RAB2A: variants seen among roughly 807,000 people sequenced by gnomAD.
RAB2A encodes ras-related protein Rab-2A.
Under a neutral mutation model 32.5 loss-of-function variants are expected in RAB2A, and 7 were observed. The observed-to-expected ratio is 0.22, with a 90% CI of 0.12 to 0.40. RAB2A has a LOEUF of 0.40. Ranked by LOEUF, RAB2A falls within the 10% of genes least tolerant of loss-of-function variation. The pLI, the probability that RAB2A is intolerant of heterozygous loss-of-function variation, is 1.00. For missense variants in RAB2A, 108 were observed against 260.7 expected (o/e 0.41, Z 4.03); for synonymous variants, 79 against 85.2 (o/e 0.93, Z 0.40).
chr8:60,558,344 T>A (rs911099211), intron 1 of RAB2A: 3 of 458,278 alleles, frequency 6.5e-6, no homozygotes, highest in African/African-American at 2.0e-5. Flanking sequence ...TTTAATAGAG[T>A]GAAGGAATGC....
Position 60,623,180 on chromosome 8 carries a change from A to AT in RAB2A, c.*2417dup, listed in dbSNP as rs1410237901. The AT allele has an allele frequency of 6.6e-6, 1 of 152,232 alleles. No homozygotes were observed. Among genetic ancestry groups the AT allele is most frequent in the Non-Finnish European group, 1.5e-5 (1 of 68,036 alleles). 9.4% of individuals were successfully genotyped at this position (152,232 alleles called of 1,614,324 possible). ...TTTAAGACAACTGAATGAAAAGCCA[A>AT]TTTTTTGAAAGAATGTGGCATATAA... On this transcript the variant is annotated 3_prime_UTR_variant, in exon 8 of 8. Transcript: ENST00000262646.
intron 1 of RAB2A, among the ~76,000 whole-genome samples, chr8:60,521,890 G>A (rs998132624): frequency 6.6e-6 from 1 of 152,136 alleles, no homozygotes; most frequent in South Asian, 2.1e-4. Context: ...CTTAAGTGCT[G>A]GGATTACAGG....
chr8:60,518,234 A>G (rs921539071), intron 1 of RAB2A, among the ~76,000 whole-genome samples: 1 of 152,192 alleles, frequency 6.6e-6, no homozygotes, highest in Non-Finnish European at 1.5e-5. Context: ...AGATGTTGCA[A>G]CTATTAATAT....
At chr8:60,558,331 A>T in intron 1 of RAB2A, 1 of 447,514 alleles carries the variant, frequency 2.2e-6, no homozygotes, top group African/African-American at 2.0e-5. Context: ...TAACGGGGTC[A>T]ATTTTAATAG....
At chr8:60,603,170 A>G (rs1804165458) in intron 6 of RAB2A, among the ~76,000 whole-genome samples, 1 of 152,200 alleles carries the variant, frequency 6.6e-6, no homozygotes, top group Admixed American at 6.5e-5. Flanking sequence ...AGAAATTTTA[A>G]TGCACAGGGA....
intron 6 of RAB2A, among the ~76,000 whole-genome samples, chr8:60,600,539 T>A (rs12681129): frequency 0.55 from 82,992 of 152,068 alleles, 26,084 homozygotes; most frequent in African/African-American, 0.87. Flanking sequence ...ACATCCTAGC[T>A]GTTGCACCCC....
intron 1 of RAB2A, among the ~76,000 whole-genome samples, chr8:60,521,457 C>G (rs1807301951): frequency 6.6e-6 from 1 of 152,114 alleles, no homozygotes; most frequent in African/African-American, 2.4e-5. Context: ...AAGAAAAATT[C>G]TCATGATATG....
intron 6 of RAB2A, among the ~76,000 whole-genome samples, chr8:60,611,653 A>T (rs550475214): frequency 1.3e-4 from 20 of 152,362 alleles, no homozygotes; most frequent in Admixed American, 1.1e-3. Flanking sequence ...AAGGAATTAA[A>T]CATTTTTGTG....
chr8:60,617,363 T>C (rs899173452), intron 6 of RAB2A, among the ~76,000 whole-genome samples: 7 of 152,196 alleles, frequency 4.6e-5, no homozygotes, highest in African/African-American at 1.7e-4. Context: ...TTTCTTAAAC[T>C]ATATACTAAA....
At chr8:60,608,245 A>G (rs1330351590) in intron 6 of RAB2A, among the ~76,000 whole-genome samples, 2 of 152,228 alleles carry the variant, frequency 1.3e-5, no homozygotes, top group Non-Finnish European at 2.9e-5. Context: ...TAAAGGCTAG[A>G]AGAAAATACA....
intron 7 of RAB2A, among the ~76,000 whole-genome samples, chr8:60,619,313 T>TAA (rs1398597935): frequency 3.9e-5 from 6 of 152,190 alleles, no homozygotes; most frequent in African/African-American, 1.4e-4. Flanking sequence ...TCTGTATTTA[T>TAA]TTCAAAATGT....
intron 2 of RAB2A, among the ~76,000 whole-genome samples, chr8:60,568,499 T>A (rs971558446): frequency 6.6e-6 from 1 of 152,124 alleles, no homozygotes; most frequent in Non-Finnish European, 1.5e-5. Flanking sequence ...ATCATCCTTT[T>A]AATCTTAAAA....
intron 6 of RAB2A, among the ~76,000 whole-genome samples, chr8:60,609,787 A>G (rs1460566607): frequency 6.6e-6 from 1 of 151,974 alleles, no homozygotes; most frequent in Non-Finnish European, 1.5e-5. Context: ...CCCGCATGGC[A>G]AAACCTCATC....
chr8:60,523,999 G>A (rs894103850), intron 1 of RAB2A, among the ~76,000 whole-genome samples: 3 of 152,224 alleles, frequency 2.0e-5, no homozygotes, highest in African/African-American at 7.2e-5. Context: ...TTTTTGACTA[G>A]CTCTTTTCTG....
chr8:60,585,218 A>T (rs1803828164), intron 5 of RAB2A, among the ~76,000 whole-genome samples: 1 of 152,186 alleles, frequency 6.6e-6, no homozygotes, highest in African/African-American at 2.4e-5. Flanking sequence ...AGTTTTCACT[A>T]ATTTTTGTAG....
chr8:60,518,223 T>C (rs1368620938), intron 1 of RAB2A, among the ~76,000 whole-genome samples: 2 of 152,224 alleles, frequency 1.3e-5, no homozygotes, highest in Non-Finnish European at 1.5e-5. Context: ...AAAGATTGTT[T>C]AGATGTTGCA....
intron 3 of RAB2A, among the ~76,000 whole-genome samples, chr8:60,574,407 GAATA>G (rs997281852): frequency 2.6e-5 from 4 of 152,208 alleles, no homozygotes; most frequent in East Asian, 1.9e-4. Context: ...CTGAATGAAT[GAATA>G]GAGAATCTCA....
At chr8:60,541,358 A>C (rs1807643034) in intron 1 of RAB2A, among the ~76,000 whole-genome samples, 1 of 152,204 alleles carries the variant, frequency 6.6e-6, no homozygotes, top group Non-Finnish European at 1.5e-5. Flanking sequence ...AAAGGACATG[A>C]GGTAAAAACT....
intron 7 of RAB2A, among the ~76,000 whole-genome samples, chr8:60,620,123 C>A (rs1194718563): frequency 6.6e-6 from 1 of 152,200 alleles, no homozygotes; most frequent in African/African-American, 2.4e-5. Flanking sequence ...AGGTAAAATC[C>A]ACTTGAGGGA....
Sources: allele counts gnomAD v4.1 joint callset (sites outside exome capture counted in the v4.1 genomes callset), GRCh38; gene constraint gnomAD v4.1.1; transcripts MANE v1.5; gene names NCBI Gene and HGNC (gene_info 2026-07-23, HGNC 2026-07-21).